The following JHY variants were observed in gnomAD, a reference collection of about 807,000 sequenced individuals.
The protein encoded by JHY is jhy protein homolog.
In JHY, 69 loss-of-function variants were observed where a neutral mutation model predicts 78.0. The ratio of observed to expected loss-of-function variants is 0.88; its 90% confidence interval spans 0.73 to 1.08. The LOEUF is 1.08. Among genes scored for constraint, JHY ranks in the 50% least tolerant of loss-of-function variants. The probability of loss-of-function intolerance (pLI) is 0.00; values close to 1 mark genes in which losing one functional copy is unlikely to be tolerated. For synonymous variants in JHY, 368 were observed against 342.6 expected (o/e 1.07, Z -0.82); for missense variants, 944 against 927.8 (o/e 1.02, Z -0.23).
intron 2 of JHY, among the ~76,000 whole-genome samples, chr11:122,888,733 A>C (rs1169349297): frequency 6.6e-6 from 1 of 152,124 alleles, no homozygotes; most frequent in African/African-American, 2.4e-5. Flanking sequence ...ACATACTCTT[A>C]CGTGAGTGTG....
intron 3 of JHY, among the ~76,000 whole-genome samples, chr11:122,913,505 C>G (rs926221496): frequency 3.9e-5 from 6 of 152,158 alleles, no homozygotes; most frequent in Admixed American, 3.3e-4. Context: ...CCTCATCCTT[C>G]ATCAATCCCT....
chr11:122,948,170 G>A (rs907997448), intron 6 of JHY, among the ~76,000 whole-genome samples: 6 of 152,112 alleles, frequency 3.9e-5, no homozygotes, highest in African/African-American at 9.6e-5. Context: ...TAGGCCGGGC[G>A]TGGTGGCTAA....
At chr11:122,906,172 C>G (rs1190626854) in intron 3 of JHY, among the ~76,000 whole-genome samples, 1 of 151,970 alleles carries the variant, frequency 6.6e-6, no homozygotes, top group African/African-American at 2.4e-5. Context: ...AAAATAAATT[C>G]AACAGTCCAA....
intron 4 of JHY, among the ~76,000 whole-genome samples, chr11:122,932,460 A>G (rs1863655441): frequency 6.6e-6 from 1 of 152,242 alleles, no homozygotes; most frequent in Admixed American, 6.5e-5. Context: ...TTTCACATCT[A>G]GTACCCAAGA....
Position 122,897,131 on chromosome 11 carries a change from A to G in JHY, c.345-6794A>G, listed in dbSNP as rs1013690131. On this transcript the variant is annotated intron_variant, in intron 2 of 8. Transcript: ENST00000227349. Reference sequence around the variant, plus strand: ...CGGCCTCCCAAAGTGCTGGGATTACAGGCGTGAGCCACCGCACCTGGCCAA... The same window carrying G: ...CGGCCTCCCAAAGTGCTGGGATTACGGGCGTGAGCCACCGCACCTGGCCAA... 1.4e-4 allele frequency among the ~76,000 whole-genome samples: 22 copies of G among 152,330 alleles called. No homozygotes were observed. In the East Asian group the frequency reaches 4.0e-3, roughly 28 times the overall value.
At chr11:122,929,256 A>T (rs1362168374) in intron 4 of JHY, among the ~76,000 whole-genome samples, 6 of 144,224 alleles carry the variant, frequency 4.2e-5, no homozygotes, top group South Asian at 4.4e-4. Flanking sequence ...TTTTTTTTTT[A>T]AAGCAGTACC....
At chr11:122,958,861 G>A (rs374920079) in intron 8 of JHY, 6 of 985,278 alleles carry the variant, frequency 6.1e-6, no homozygotes, top group East Asian at 1.1e-4. Context: ...GTCTCAAGCT[G>A]TAACAAGTCT....
At chr11:122,906,844 C>T (rs1863004771) in intron 3 of JHY, among the ~76,000 whole-genome samples, 1 of 152,134 alleles carries the variant, frequency 6.6e-6, no homozygotes, top group Non-Finnish European at 1.5e-5. Context: ...TCTTATATTA[C>T]TCTCTGAAGG....
Position 122,961,199 on chromosome 11 carries a change from T to A in JHY, c.*1754T>A. 1 of 486,394 alleles carries A rather than the reference T, an allele frequency of 2.1e-6. No homozygotes were observed. Among genetic ancestry groups the A allele is most frequent in the Non-Finnish European group, 3.9e-6 (1 of 257,884 alleles). 30.1% of individuals were successfully genotyped at this position (486,394 alleles called of 1,614,324 possible). A position where few individuals can be genotyped will look rare whatever the true frequency, so the allele number is the denominator to read the frequency against. ...CCTCTACTGAAGTAGATAGTTTATATCTCCTAAAAATGAAACATTTGTTCC... is the reference window on the plus strand; with the variant it reads ...CCTCTACTGAAGTAGATAGTTTATAACTCCTAAAAATGAAACATTTGTTCC... On this transcript the variant is annotated 3_prime_UTR_variant, in exon 9 of 9. Coordinates refer to ENST00000227349, the MANE Select transcript of JHY (RefSeq NM_024806.4).
At chr11:122,895,550 A>G (rs1263474942) in intron 2 of JHY, among the ~76,000 whole-genome samples, 1 of 152,210 alleles carries the variant, frequency 6.6e-6, no homozygotes, top group East Asian at 1.9e-4. Flanking sequence ...GTACTCAAAT[A>G]TGGTCCATTA....
chr11:122,899,738 G>A (rs1390454203), intron 2 of JHY, among the ~76,000 whole-genome samples: 1 of 152,190 alleles, frequency 6.6e-6, no homozygotes, highest in Non-Finnish European at 1.5e-5. Flanking sequence ...AGCACTTTAA[G>A]ACACATTCTC....
Position 122,924,321 on chromosome 11 carries a change from A to G in JHY, c.865-576A>G, listed in dbSNP as rs142752970. 3.1e-3 allele frequency among the ~76,000 whole-genome samples: 478 copies of G among 152,180 alleles called. 2 individuals are homozygous for G. Among genetic ancestry groups the G allele is most frequent in the Middle Eastern group, 0.014 (4 of 294 alleles). Reference sequence around the variant, plus strand: ...TGCAGGCTCCGGAGATAGACCACCCAGCTCTACTACTTACTAGCTGTTGAT... The same window carrying G: ...TGCAGGCTCCGGAGATAGACCACCCGGCTCTACTACTTACTAGCTGTTGAT... On this transcript the variant is annotated intron_variant, in intron 3 of 8. Coordinates refer to ENST00000227349, the MANE Select transcript of JHY (RefSeq NM_024806.4).
intron 4 of JHY, among the ~76,000 whole-genome samples, chr11:122,933,014 AATATG>A (rs1016546130): frequency 6.6e-6 from 1 of 152,222 alleles, no homozygotes; most frequent in African/African-American, 2.4e-5. Flanking sequence ...ATTTCTTAAA[AATATG>A]ATATGATAAG....
rs768160616 is a variant in JHY, at chr11:122,957,323, G to A, written c.2011-40G>A. ...TTTAAATAGAGAGCAGAGAGAACTAGCAGCACCTGGATTCATCATAACTTT... is the reference window on the plus strand; with the variant it reads ...TTTAAATAGAGAGCAGAGAGAACTAACAGCACCTGGATTCATCATAACTTT... On this transcript the variant is annotated intron_variant, in intron 7 of 8. Transcript: ENST00000227349. 4.7e-6 allele frequency: 7 copies of A among 1,498,118 alleles called. No homozygotes were observed. In the East Asian group the frequency reaches 1.9e-4, roughly 40 times the overall value. 92.8% of individuals were successfully genotyped at this position (1,498,118 alleles called of 1,614,324 possible). A position where few individuals can be genotyped will look rare whatever the true frequency, so the allele number is the denominator to read the frequency against.
intron 6 of JHY, among the ~76,000 whole-genome samples, chr11:122,955,742 T>C (rs1422575700): frequency 6.6e-6 from 1 of 152,192 alleles, no homozygotes; most frequent in Non-Finnish European, 1.5e-5. Flanking sequence ...ATTATCATTG[T>C]TTTTCCCTTA....
intron 5 of JHY, among the ~76,000 whole-genome samples, chr11:122,945,590 C>G (rs1427984653): frequency 6.6e-6 from 1 of 152,178 alleles, no homozygotes; most frequent in Non-Finnish European, 1.5e-5. Flanking sequence ...TTACATTTAG[C>G]CACCTTTTCC....
chr11:122,926,444 G>A (rs998374186), intron 4 of JHY, among the ~76,000 whole-genome samples: 9 of 150,456 alleles, frequency 6.0e-5, no homozygotes, highest in Admixed American at 5.3e-4. Flanking sequence ...TAGAAAGAAG[G>A]GACAGCCCGA....
chr11:122,934,030 G>A (rs1383149763), intron 4 of JHY, among the ~76,000 whole-genome samples: 1 of 152,028 alleles, frequency 6.6e-6, no homozygotes, highest in Non-Finnish European at 1.5e-5. Flanking sequence ...CCCATTCTAA[G>A]CTTTCTATTT....
intron 2 of JHY, among the ~76,000 whole-genome samples, chr11:122,888,053 C>CT (rs5795358): frequency 0.95 from 143,811 of 152,076 alleles, 68,075 homozygotes; most frequent in Middle Eastern, 0.98. Flanking sequence ...TCGTCTTCCC[C>CT]CCCTTTTTTT....
Sources: allele counts gnomAD v4.1 joint callset (sites outside exome capture counted in the v4.1 genomes callset), GRCh38; gene constraint gnomAD v4.1.1; transcripts MANE v1.5; gene names NCBI Gene and HGNC (gene_info 2026-07-23, HGNC 2026-07-21).